CASZ1: variants seen among roughly 807,000 people sequenced by gnomAD.
CASZ1 encodes zinc finger protein castor homolog 1.
A neutral mutation model predicts 135.2 loss-of-function variants in CASZ1; 28 were observed. That is an observed-to-expected ratio of 0.21 (90% CI 0.15 to 0.28). CASZ1 has a LOEUF of 0.28. Among genes scored for constraint, CASZ1 ranks in the 10% least tolerant of loss-of-function variants. The pLI is 1.00. For synonymous variants in CASZ1, 1,068 were observed against 1,073.4 expected (o/e 0.99, Z 0.10); for missense variants, 2,161 against 2,453.3 (o/e 0.88, Z 2.52).
At chr1:10,750,260 C>T (rs1342904) in intron 2 of CASZ1, among the ~76,000 whole-genome samples, 6,097 of 152,158 alleles carry the variant, frequency 0.04, 243 homozygotes, top group East Asian at 0.13. Flanking sequence ...TGCTTTGCTT[C>T]GATTTTCTTT....
Position 10,638,883 on chromosome 1 carries a change from G to A in CASZ1, c.*59C>T, listed in dbSNP as rs1251925591. 3 of 981,676 alleles carry A rather than the reference G, an allele frequency of 3.1e-6. No homozygotes were observed. In the African/African-American group the frequency reaches 5.3e-5, roughly 17 times the overall value. 60.8% of individuals were successfully genotyped at this position (981,676 alleles called of 1,614,324 possible). A position where few individuals can be genotyped will look rare whatever the true frequency, so the allele number is the denominator to read the frequency against. The stretch of plus-strand genomic sequence containing the variant: ...TCTGCCCAGGGGCCGCTTCGCGCGG[G>A]GCGGCGCCGCTCCCGAGGCCGAGGC... On this transcript the variant is annotated 3_prime_UTR_variant, in exon 21 of 21. Coordinates refer to ENST00000377022, the MANE Select transcript of CASZ1 (RefSeq NM_001079843.3). This position sits in a 1 kb window ranked among gnomAD's most constrained non-coding sequence, Gnocchi z 5.9.
chr1:10,682,401 C>T (rs1638453869), intron 4 of CASZ1, among the ~76,000 whole-genome samples: 1 of 152,036 alleles, frequency 6.6e-6, no homozygotes, highest in South Asian at 2.1e-4. Context: ...GGATCAAGGG[C>T]CCCGGAAGAC....
At chr1:10,787,688 C>T (rs1187440177) in intron 1 of CASZ1, among the ~76,000 whole-genome samples, 3 of 152,142 alleles carry the variant, frequency 2.0e-5, no homozygotes, top group African/African-American at 7.2e-5. Flanking sequence ...CGCTCACCCA[C>T]CCAGAGACCA....
In CASZ1 at chr1:10,727,078, G is replaced by C. The variant is rs1639611156; in HGVS notation, c.-76-21534C>G. 6.6e-6 allele frequency among the ~76,000 whole-genome samples: 1 copy of C among 152,146 alleles called. No individual in the cohort carries two copies. Among genetic ancestry groups the C allele is most frequent in the South Asian group, 2.1e-4 (1 of 4,826 alleles). On this transcript the variant is annotated intron_variant, in intron 2 of 20. Coordinates refer to ENST00000377022, the MANE Select transcript of CASZ1 (RefSeq NM_001079843.3). The surrounding 1 kb of genome is among the most constrained non-coding windows in gnomAD (Gnocchi z 5.3). Reference sequence around the variant, plus strand: ...TGTGAGTGAGGAGGACTGAAACGAAGGCAGAGGGGGAGCCATGGGCGCCAA... The same window carrying C: ...TGTGAGTGAGGAGGACTGAAACGAACGCAGAGGGGGAGCCATGGGCGCCAA...
At chr1:10,781,963 C>T (rs1272919771) in intron 1 of CASZ1, among the ~76,000 whole-genome samples, 1 of 152,232 alleles carries the variant, frequency 6.6e-6, no homozygotes, top group Non-Finnish European at 1.5e-5. Flanking sequence ...CCCAAACAAG[C>T]AGACTCCACC....
rs1451403182 is a variant in CASZ1 at position 10,739,632 on chromosome 1, G to A, written c.-77+21069C>T. Among the ~76,000 whole-genome samples the A allele has an allele frequency of 6.6e-6, 1 of 152,172 alleles. No individual in the cohort carries two copies. Among genetic ancestry groups the A allele is most frequent in the East Asian group, 1.9e-4 (1 of 5,184 alleles). ...CTTCTTGTCGTTGATCAAAACAACAGGGCCACCAGCTCCTCAAGAGTCCAA... is the reference window on the plus strand; with the variant it reads ...CTTCTTGTCGTTGATCAAAACAACAAGGCCACCAGCTCCTCAAGAGTCCAA... On this transcript the variant is annotated intron_variant, in intron 2 of 20. Coordinates refer to ENST00000377022, the MANE Select transcript of CASZ1 (RefSeq NM_001079843.3). This position sits in a 1 kb window ranked among gnomAD's most constrained non-coding sequence, Gnocchi z 4.8.
chr1:10,659,572 TG>T, intron 6 of CASZ1, 129 bp downstream of exon 6: 16 of 708,210 alleles, frequency 2.3e-5, no homozygotes, highest in Admixed American at 7.3e-5. Context: ...CGCGCCTGGA[TG>T]CACAGTGGAT....
rs568113980 is a variant in CASZ1 at position 10,721,813 on chromosome 1, AACTGCC to A, written c.-76-16275_-76-16270del. ...AAGTCTCTGGGTCGTGGTGGAGGCC[AACTGCC>A]TTTTTGCTGCCTGACCTGCCTGCTA... On this transcript the variant is annotated intron_variant, in intron 2 of 20. Transcript: ENST00000377022. The surrounding 1 kb of genome is among the most constrained non-coding windows in gnomAD (Gnocchi z 5.4). Among the ~76,000 whole-genome samples the A allele has an allele frequency of 3.3e-3, 498 of 152,364 alleles. 2 individuals are homozygous for A. The highest frequency in any genetic ancestry group is 5.5e-3 in the Non-Finnish European group (372 of 68,028).
At chr1:10,758,930 G>C (rs542071803) in intron 2 of CASZ1, among the ~76,000 whole-genome samples, 26 of 152,332 alleles carry the variant, frequency 1.7e-4, no homozygotes, top group Admixed American at 1.5e-3. Flanking sequence ...GTCCAAGACA[G>C]CCGATGCTAG....
intron 4 of CASZ1, among the ~76,000 whole-genome samples, chr1:10,668,138 G>A (rs1643292956): frequency 6.6e-6 from 1 of 152,186 alleles, no homozygotes; most frequent in Non-Finnish European, 1.5e-5. Context: ...AGGTTTGTAA[G>A]TGCGAGCGCG....
intron 2 of CASZ1, among the ~76,000 whole-genome samples, chr1:10,751,955 G>A (rs987440350): frequency 6.6e-6 from 1 of 152,200 alleles, no homozygotes; most frequent in East Asian, 1.9e-4. Flanking sequence ...CCACAGGAAC[G>A]GATCTAGGAT....
chr1:10,637,645 TCGGTCCC>T lies in CASZ1; in HGVS notation c.*1290_*1296del, dbSNP rs2124658249. ...CGGGCAGCCTGCCCTCGCAGGGGACTCGGTCCCCGGGGACCTCAGAGCCACTGGCCAG... is the reference window on the plus strand; with the variant it reads ...CGGGCAGCCTGCCCTCGCAGGGGACTCGGGGACCTCAGAGCCACTGGCCAG... On this transcript the variant is annotated 3_prime_UTR_variant, in exon 21 of 21. Coordinates refer to ENST00000377022, the MANE Select transcript of CASZ1 (RefSeq NM_001079843.3). 1 of 152,374 alleles carries T rather than the reference TCGGTCCC, an allele frequency of 6.6e-6. No homozygotes were observed. The highest frequency in any genetic ancestry group is 2.4e-5 in the African/African-American group (1 of 41,502). 9.4% of individuals were successfully genotyped at this position (152,374 alleles called of 1,614,324 possible).
chr1:10,659,707 A>G lies in CASZ1; in HGVS notation c.1335T>C (p.Thr445=). ...TDSITTGTVS[T]VKNGLPTDKP... ...TGGGGTGGGGAGCGCCTTACTTGAC[A>G]GTGGAGACGGTCCCCGTGGTGATGG... Residue 445 remains threonine (T), a synonymous_variant, in exon 6 of 21, where the codon ACT becomes ACC. Transcript: ENST00000377022. The G allele has an allele frequency of 6.2e-7, 1 of 1,613,116 alleles. No homozygotes were observed. The highest frequency in any genetic ancestry group is 8.5e-7 in the Non-Finnish European group (1 of 1,179,108).
chr1:10,665,764 A>C (rs1373653588), intron 4 of CASZ1, among the ~76,000 whole-genome samples, 193 bp from the exon 5 acceptor site: 1 of 152,212 alleles, frequency 6.6e-6, no homozygotes, highest in East Asian at 1.9e-4. Context: ...ATGCTTGAGA[A>C]TCACTCTACT....
At chr1:10,649,650 C>T (rs1333770882) in intron 13 of CASZ1, 1 of 575,578 alleles carries the variant, frequency 1.7e-6, no homozygotes, top group East Asian at 2.9e-5. Context: ...AGCTGCGAGG[C>T]CTCCTCAGGG....
intron 4 of CASZ1, among the ~76,000 whole-genome samples, chr1:10,681,200 C>CTT (rs58517587): frequency 3.4e-5 from 5 of 146,460 alleles, no homozygotes; most frequent in East Asian, 4.0e-4. Flanking sequence ...CGTGCCTGAC[C>CTT]TTTTTTTTTT....
intron 1 of CASZ1, among the ~76,000 whole-genome samples, chr1:10,771,607 C>T (rs371622205): frequency 1.3e-5 from 2 of 152,154 alleles, no homozygotes; most frequent in East Asian, 3.9e-4. Context: ...AATGGAGGCA[C>T]CTAAGCAAAG....
chr1:10,703,190 C>T (rs971895545), intron 3 of CASZ1, among the ~76,000 whole-genome samples: 19 of 152,148 alleles, frequency 1.2e-4, no homozygotes, highest in African/African-American at 2.2e-4. Flanking sequence ...TGGCCGCGGC[C>T]GCAGCTCCCG....
chr1:10,736,852 A>G (rs1323265247), intron 2 of CASZ1, among the ~76,000 whole-genome samples: 1 of 152,184 alleles, frequency 6.6e-6, no homozygotes. Context: ...TATGGGGACA[A>G]GGGGAAGGCA....
Sources: gnomAD v4.1 joint callset for allele counts (sites outside exome capture counted in the v4.1 genomes callset) on GRCh38, gnomAD v4.1.1 for gene constraint, Gnocchi (gnomAD v3.1) non-coding constraint, MANE v1.5 for transcripts, NCBI Gene and HGNC (gene_info 2026-07-23, HGNC 2026-07-21) for gene names.